ULK4: variants seen among roughly 807,000 people sequenced by gnomAD.
ULK4 encodes unc-51 like kinase 4.
ULK4 carries 133 observed loss-of-function variants against 160.6 expected under a neutral mutation model. The ratio of observed to expected loss-of-function variants is 0.83; its 90% CI spans 0.72 to 0.96. ULK4 has a LOEUF of 0.96. Ranked by LOEUF, ULK4 falls within the 40% of genes least tolerant of loss-of-function variation. The pLI is 0.00. For missense variants in ULK4, 1,580 were observed against 1,499.5 expected (o/e 1.05, Z -0.89); for synonymous variants, 534 against 539.8 (o/e 0.99, Z 0.15).
At chr3:41,637,404 A>G (rs1043042550) in intron 30 of ULK4, among the ~76,000 whole-genome samples, 10 of 152,174 alleles carry the variant, frequency 6.6e-5, no homozygotes, top group African/African-American at 2.4e-4. Flanking sequence ...ATAGTATTCT[A>G]TTGTGTATAT....
At chr3:41,955,218 A>C (rs1272519446) in intron 1 of ULK4, among the ~76,000 whole-genome samples, 2 of 152,218 alleles carry the variant, frequency 1.3e-5, no homozygotes, top group Non-Finnish European at 2.9e-5. Flanking sequence ...TGAACCCGGG[A>C]GGCGGAGGCT....
chr3:41,613,073 C>T (rs1361539239), intron 31 of ULK4, among the ~76,000 whole-genome samples: 5 of 152,226 alleles, frequency 3.3e-5, no homozygotes, highest in South Asian at 2.1e-4. Flanking sequence ...GCATGCAGGG[C>T]CCCACACAAT....
chr3:41,774,383 C>A (rs10452019), intron 21 of ULK4, among the ~76,000 whole-genome samples: 17,219 of 146,202 alleles, frequency 0.12, 3,545 homozygotes, highest in African/African-American at 0.42. Flanking sequence ...CAAGAAAAAA[C>A]CAAACAACCC....
chr3:41,407,580 T>C (rs778527591), intron 34 of ULK4, among the ~76,000 whole-genome samples: 3 of 152,152 alleles, frequency 2.0e-5, no homozygotes, highest in Non-Finnish European at 4.4e-5. Flanking sequence ...CATGTGAAAA[T>C]CAATCAATGT....
intron 31 of ULK4, among the ~76,000 whole-genome samples, chr3:41,594,010 A>C (rs989953847): frequency 5.3e-5 from 8 of 151,952 alleles, no homozygotes; most frequent in African/African-American, 1.9e-4. Flanking sequence ...GCACCACTGC[A>C]CTCCAGCCTG....
chr3:41,485,949 A>C (rs2084512009), intron 32 of ULK4, among the ~76,000 whole-genome samples: 1 of 152,222 alleles, frequency 6.6e-6, no homozygotes, highest in Non-Finnish European at 1.5e-5. Context: ...AAAATAACAT[A>C]ATATTCATTC....
chr3:41,673,785 A>G (rs538859601), intron 29 of ULK4, among the ~76,000 whole-genome samples: 2 of 152,116 alleles, frequency 1.3e-5, no homozygotes, highest in Non-Finnish European at 2.9e-5. Context: ...ACAGCTTGCA[A>G]CATCACTTAA....
At chr3:41,897,512 C>T (rs772909921) in intron 14 of ULK4, among the ~76,000 whole-genome samples, 1 of 152,108 alleles carries the variant, frequency 6.6e-6, no homozygotes, top group Non-Finnish European at 1.5e-5. Context: ...ATGTGATACC[C>T]CCTAAAATTA....
intron 34 of ULK4, among the ~76,000 whole-genome samples, chr3:41,450,795 G>T (rs1386632240): frequency 1.3e-5 from 2 of 152,194 alleles, no homozygotes; most frequent in Admixed American, 6.5e-5. Context: ...AGCTATAAAT[G>T]TGTGTTAATC....
chr3:41,446,678 G>A (rs1469963332), intron 34 of ULK4, among the ~76,000 whole-genome samples: 1 of 138,974 alleles, frequency 7.2e-6, no homozygotes, highest in African/African-American at 2.7e-5. Flanking sequence ...ATTGAACAAT[G>A]AGAACACATG....
rs533215332 is a variant in ULK4, at chr3:41,640,338, C to T, written c.3071+23269G>A. Reference sequence around the variant, plus strand: ...AAGCCTGCCACTGCCTGCTTGGAGCCTAGCTCTGTATTTCCCATCACACTC... The same window carrying T: ...AAGCCTGCCACTGCCTGCTTGGAGCTTAGCTCTGTATTTCCCATCACACTC... On this transcript the variant is annotated intron_variant, in intron 30 of 36. Coordinates refer to ENST00000301831, the MANE Select transcript of ULK4 (RefSeq NM_017886.4). Among the ~76,000 whole-genome samples the T allele has an allele frequency of 3.9e-5, 6 of 152,316 alleles. No individual in the cohort carries two copies. In the South Asian group the frequency reaches 1.2e-3, roughly 32 times the overall value.
intron 17 of ULK4, among the ~76,000 whole-genome samples, chr3:41,854,629 A>T (rs2042292356): frequency 6.6e-6 from 1 of 152,146 alleles, no homozygotes; most frequent in African/African-American, 2.4e-5. Flanking sequence ...AACCTAACTC[A>T]AGTCCCATAA....
intron 35 of ULK4, among the ~76,000 whole-genome samples, chr3:41,366,548 T>TACACACACACAC (rs148305509): frequency 5.3e-4 from 79 of 148,788 alleles, no homozygotes; most frequent in Middle Eastern, 3.5e-3. Context: ...AAAATATGGC[T>TACACACACACAC]ACACACACAC....
chr3:41,894,380 C>A (rs1478175391), intron 16 of ULK4, among the ~76,000 whole-genome samples: 1 of 151,986 alleles, frequency 6.6e-6, no homozygotes, highest in Non-Finnish European at 1.5e-5. Flanking sequence ...TAAGAACTAC[C>A]CTTATTATTA....
chr3:41,319,287 C>A (rs2080204697), intron 35 of ULK4, among the ~76,000 whole-genome samples: 1 of 152,148 alleles, frequency 6.6e-6, no homozygotes, highest in Admixed American at 6.5e-5. Context: ...CTTATATACT[C>A]TTCAATTTAC....
chr3:41,303,901 G>A (rs983928846), intron 35 of ULK4, among the ~76,000 whole-genome samples: 2 of 152,092 alleles, frequency 1.3e-5, no homozygotes, highest in African/African-American at 2.4e-5. Context: ...GCTCCCCAAG[G>A]ATTCTTAGAA....
At chr3:41,461,975 A>G (rs2083696320) in intron 33 of ULK4, among the ~76,000 whole-genome samples, 1 of 152,198 alleles carries the variant, frequency 6.6e-6, no homozygotes, top group Non-Finnish European at 1.5e-5. Context: ...CGTAACAATT[A>G]TTTACTGTTA....
intron 30 of ULK4, among the ~76,000 whole-genome samples, chr3:41,659,993 A>G (rs563993533): frequency 1.3e-5 from 2 of 152,302 alleles, no homozygotes; most frequent in South Asian, 4.1e-4. Context: ...GGTTGTGTAT[A>G]AAAGAAACAA....
chr3:41,523,502 TTTTA>T (rs1393431863), intron 32 of ULK4, among the ~76,000 whole-genome samples: 1 of 151,940 alleles, frequency 6.6e-6, no homozygotes, highest in Non-Finnish European at 1.5e-5. Flanking sequence ...AAATGGTAAA[TTTTA>T]TTTTATATTT....
Sources: gnomAD v4.1 joint callset for allele counts (sites outside exome capture counted in the v4.1 genomes callset) on GRCh38, gnomAD v4.1.1 for gene constraint, MANE v1.5 for transcripts, NCBI Gene and HGNC (gene_info 2026-07-23, HGNC 2026-07-21) for gene names.